KANSL1L: variants seen among roughly 807,000 people sequenced by gnomAD.
KANSL1L encodes the protein KAT8 regulatory NSL complex subunit 1 like.
A neutral mutation model predicts 108.6 loss-of-function variants in KANSL1L; 25 were observed. The ratio of observed to expected loss-of-function variants is 0.23; its 90% CI spans 0.17 to 0.32. KANSL1L has a LOEUF of 0.32. Ranked by LOEUF, KANSL1L falls within the 10% of genes least tolerant of loss-of-function variation. The pLI, the probability that KANSL1L is intolerant of heterozygous loss-of-function variation, is 1.00. For synonymous variants in KANSL1L, 405 were observed against 395.1 expected (o/e 1.03, Z -0.30); for missense variants, 1,137 against 1,125.7 (o/e 1.01, Z -0.14).
At chr2:210,164,393 C>T (rs1256312966) in intron 1 of KANSL1L, among the ~76,000 whole-genome samples, 1 of 152,126 alleles carries the variant, frequency 6.6e-6, no homozygotes, top group East Asian at 1.9e-4. Context: ...TATAAATACT[C>T]AGTTTCTAAT....
rs765528567 is a variant in KANSL1L at position 210,043,945 on chromosome 2, G to A, written c.1915C>T (p.Pro639Ser). 1 of 1,582,214 alleles carries A rather than the reference G, an allele frequency of 6.3e-7. No homozygotes were observed. The highest frequency in any genetic ancestry group is 1.2e-5 in the South Asian group (1 of 85,800). ...TTGTTACAAGGAGGCTTACCTGATG[G>A]CAATGATAGAACAGAATGGAAAGAG... ...DSSFHSVLSL[P>S]SDVPLHFHFE... Residue 639 changes from proline (P) to serine (S), a missense_variant, in exon 7 of 15, where the codon CCA becomes TCA. Around this residue, in one of 3 missense-constraint regions of KANSL1L, gnomAD observed 575 missense variants for 567.1 expected, o/e 1.01. Transcript: ENST00000281772.
intron 6 of KANSL1L, among the ~76,000 whole-genome samples, chr2:210,069,517 A>G (rs1172903751): frequency 1.3e-5 from 2 of 152,116 alleles, no homozygotes; most frequent in African/African-American, 4.8e-5. Context: ...CAAACTCTGT[A>G]TAAGTTTCCT....
chr2:210,092,841 T>C (rs377288732), intron 5 of KANSL1L, among the ~76,000 whole-genome samples: 2 of 152,208 alleles, frequency 1.3e-5, no homozygotes, highest in African/African-American at 4.8e-5. Context: ...TAGGGATCTC[T>C]TGGATCACTC....
chr2:210,029,521 C>T (rs2093985330), intron 10 of KANSL1L, among the ~76,000 whole-genome samples: 1 of 151,966 alleles, frequency 6.6e-6, no homozygotes. Flanking sequence ...ATTAGTAAGA[C>T]TTTATTTAGC....
intron 1 of KANSL1L, among the ~76,000 whole-genome samples, chr2:210,161,389 G>A (rs2095360686): frequency 6.6e-6 from 1 of 152,104 alleles, no homozygotes; most frequent in South Asian, 2.1e-4. Flanking sequence ...AAAAAAAAAT[G>A]AAACTGAATA....
chr2:210,111,698 C>T (rs2094906526), intron 3 of KANSL1L, among the ~76,000 whole-genome samples: 1 of 151,888 alleles, frequency 6.6e-6, no homozygotes, highest in South Asian at 2.1e-4. Flanking sequence ...TAAACAAGAA[C>T]ATCTTTTTTT....
chr2:210,167,043 T>A (rs13420522), intron 1 of KANSL1L, among the ~76,000 whole-genome samples: 191 of 151,608 alleles, frequency 1.3e-3, no homozygotes, highest in African/African-American at 4.4e-3. Context: ...AATAAATAAA[T>A]AAAAAATATA....
At chr2:210,127,644 A>G (rs1441188353) in intron 3 of KANSL1L, among the ~76,000 whole-genome samples, 1 of 151,716 alleles carries the variant, frequency 6.6e-6, no homozygotes, top group African/African-American at 2.4e-5. Flanking sequence ...ACAAAAAATC[A>G]AAAACTTAGC....
At chr2:210,143,135 A>G (rs1208305235) in intron 2 of KANSL1L, among the ~76,000 whole-genome samples, 1 of 152,056 alleles carries the variant, frequency 6.6e-6, no homozygotes, top group Non-Finnish European at 1.5e-5. Context: ...TATTGGTTAC[A>G]TATGTTTATA....
At chr2:210,051,186 C>CATAT (rs2094288988) in intron 6 of KANSL1L, among the ~76,000 whole-genome samples, 1 of 152,190 alleles carries the variant, frequency 6.6e-6, no homozygotes, top group Admixed American at 6.5e-5. Flanking sequence ...CTAGTTCCCA[C>CATAT]ATACTTTATA....
At chr2:210,058,870 C>T (rs562623803) in intron 6 of KANSL1L, among the ~76,000 whole-genome samples, 50 of 137,022 alleles carry the variant, frequency 3.6e-4, no homozygotes, top group Non-Finnish European at 7.7e-5. Context: ...GCTGGTTTTA[C>T]GGCTCAGGGG....
At chr2:210,163,992 A>C (rs1371484039) in intron 1 of KANSL1L, among the ~76,000 whole-genome samples, 4 of 152,136 alleles carry the variant, frequency 2.6e-5, no homozygotes, top group Non-Finnish European at 5.9e-5. Context: ...AAGGAGTCTC[A>C]AGGCAAAAAA....
chr2:210,034,811 T>C lies in KANSL1L; in HGVS notation c.2030-3265A>G, dbSNP rs74909515. Among the ~76,000 whole-genome samples the C allele has an allele frequency of 4.2e-3, 640 of 152,324 alleles. 1 individual carries two copies. Among genetic ancestry groups the C allele is most frequent in the Non-Finnish European group, 6.8e-3 (463 of 68,036 alleles). The stretch of plus-strand genomic sequence containing the variant: ...GTTTCTGGCTTGCTTGTGTGGGTTA[T>C]GGTGCTATTGTTCCTCCTCTTCCAT... On this transcript the variant is annotated intron_variant, in intron 8 of 14. Coordinates refer to ENST00000281772, the MANE Select transcript of KANSL1L (RefSeq NM_152519.4).
Position 210,118,140 on chromosome 2 carries a change from T to C in KANSL1L, c.1230+10891A>G, listed in dbSNP as rs529006835. 3.4e-3 allele frequency among the ~76,000 whole-genome samples: 455 copies of C among 132,532 alleles called. 1 individual carries two copies. The highest frequency in any genetic ancestry group is 8.7e-3 in the Admixed American group (103 of 11,876). The allele number at this position is 132,532 out of a possible 152,430, so 86.9% of individuals were successfully genotyped here. On this transcript the variant is annotated intron_variant, in intron 3 of 14. Coordinates refer to ENST00000281772, the MANE Select transcript of KANSL1L (RefSeq NM_152519.4). ...GAGATCACGCCATTGTACTCCAGCCTGGGCAACAAAAGCGAAACTCCATCT... is the reference window on the plus strand; with the variant it reads ...GAGATCACGCCATTGTACTCCAGCCCGGGCAACAAAAGCGAAACTCCATCT...
At position 210,022,019 on chromosome 2, in the gene KANSL1L, A is replaced by C. The variant is rs1301757827; in HGVS notation, c.*930T>G. The C allele has an allele frequency of 3.5e-5, 5 of 142,132 alleles. No homozygotes were observed. In the South Asian group the frequency reaches 1.1e-3, roughly 31 times the overall value. The allele number at this position is 142,132 out of a possible 1,614,324, so 8.8% of individuals were successfully genotyped here. A position where few individuals can be genotyped will look rare whatever the true frequency, so the allele number is the denominator to read the frequency against. On this transcript the variant is annotated 3_prime_UTR_variant, in exon 15 of 15. Coordinates refer to ENST00000281772, the MANE Select transcript of KANSL1L (RefSeq NM_152519.4). ...TACAATCATCTTTTTTTTTTTTTTC[A>C]AATTTTATACTGATAGGGCTTTACT... is the stretch of plus-strand genomic sequence containing the variant.
At chr2:210,053,673 C>A (rs2094317614) in intron 6 of KANSL1L, among the ~76,000 whole-genome samples, 1 of 151,042 alleles carries the variant, frequency 6.6e-6, no homozygotes, top group African/African-American at 2.4e-5. Flanking sequence ...ACTCAAAACC[C>A]AAAAAGTATA....
At chr2:210,133,267 A>C (rs2095143215) in intron 2 of KANSL1L, among the ~76,000 whole-genome samples, 1 of 152,132 alleles carries the variant, frequency 6.6e-6, no homozygotes, top group Non-Finnish European at 1.5e-5. Flanking sequence ...AATACAATGT[A>C]AATATTGCTT....
intron 3 of KANSL1L, among the ~76,000 whole-genome samples, 195 bp downstream of exon 3, chr2:210,128,836 G>A (rs1399785507): frequency 6.6e-6 from 1 of 152,030 alleles, no homozygotes; most frequent in Non-Finnish European, 1.5e-5. Flanking sequence ...TGCTCAAAAA[G>A]TATGATAAAA....
At chr2:210,107,886 G>A in intron 3 of KANSL1L, among the ~76,000 whole-genome samples, 1 of 152,020 alleles carries the variant, frequency 6.6e-6, no homozygotes, top group East Asian at 1.9e-4. Context: ...TGGTAAAGGG[G>A]CAAATGATGT....
Sources: allele counts gnomAD v4.1 joint callset (sites outside exome capture counted in the v4.1 genomes callset), GRCh38; gene constraint gnomAD v4.1.1; regional missense constraint gnomAD v4.1.1; transcripts MANE v1.5; gene names NCBI Gene and HGNC (gene_info 2026-07-23, HGNC 2026-07-21).